Variants in SYNE1 observed in about 807,000 individuals in gnomAD.
The protein encoded by SYNE1 is spectrin repeat containing nuclear envelope protein 1.
A neutral mutation model predicts 1,111.0 loss-of-function variants in SYNE1; 616 were observed. The ratio of observed to expected loss-of-function variants is 0.55; its 90% CI spans 0.52 to 0.59. SYNE1 has a LOEUF of 0.59. SYNE1 is among the 20% of genes least tolerant of loss of function. The pLI is 0.00. For synonymous variants in SYNE1, 3,855 were observed against 3,825.8 expected (o/e 1.01, Z -0.28); for missense variants, 10,006 against 10,417.0 (o/e 0.96, Z 1.72).
intron 12 of SYNE1, among the ~76,000 whole-genome samples, chr6:152,485,895 T>A (rs951318367): frequency 1.3e-5 from 2 of 152,138 alleles, no homozygotes. Flanking sequence ...TGAATGGAAT[T>A]TTAAAAATAC....
chr6:152,359,589 C>T, intron 64 of SYNE1, 131 bp from the exon 65 acceptor site: 2 of 1,100,982 alleles, frequency 1.8e-6, no homozygotes, highest in Non-Finnish European at 2.7e-6. Flanking sequence ...ACTCCTCCAT[C>T]ATTTTATCTA....
chr6:152,519,354 A>G (rs773117267), intron 6 of SYNE1, among the ~76,000 whole-genome samples: 1 of 152,262 alleles, frequency 6.6e-6, no homozygotes, highest in South Asian at 2.1e-4. Flanking sequence ...AACCTGGAAT[A>G]TCTGTAGTTC....
Position 152,532,251 on chromosome 6 carries a change from T to G in SYNE1, c.130-6076A>C, listed in dbSNP as rs140399504. 1.2e-3 allele frequency among the ~76,000 whole-genome samples: 183 copies of G among 152,274 alleles called. 1 individual carries two copies. Among genetic ancestry groups the G allele is most frequent in the African/African-American group, 4.0e-3 (168 of 41,568 alleles). Reference sequence around the variant, plus strand: ...TAGATTTTCAGTATTAATAATTTAGTATTTAACAAAGAAAATGATAAAATC... The same window carrying G: ...TAGATTTTCAGTATTAATAATTTAGGATTTAACAAAGAAAATGATAAAATC... On this transcript the variant is annotated intron_variant, in intron 4 of 145. Transcript: ENST00000367255.
chr6:152,146,124 T>A (rs1250821051), intron 137 of SYNE1: 1 of 153,630 alleles, frequency 6.5e-6, no homozygotes, highest in Non-Finnish European at 1.4e-5. Context: ...ATAGAAACCC[T>A]ATAGGGTACC....
chr6:152,195,080 C>T (rs1053977104), intron 127 of SYNE1, among the ~76,000 whole-genome samples: 2 of 152,072 alleles, frequency 1.3e-5, no homozygotes, highest in African/African-American at 4.8e-5. Context: ...GCCACCATGC[C>T]TGGCTGATTT....
intron 93 of SYNE1, among the ~76,000 whole-genome samples, chr6:152,300,130 T>C (rs1294961170): frequency 6.6e-6 from 1 of 152,194 alleles, no homozygotes; most frequent in Non-Finnish European, 1.5e-5. Flanking sequence ...CACTCAAATC[T>C]AGTAGGCATT....
chr6:152,132,210 A>G lies in SYNE1; in HGVS notation c.26006T>C (p.Leu8669Ser). 1 of 1,614,094 alleles carries G rather than the reference A, an allele frequency of 6.2e-7. No individual in the cohort carries two copies. The highest frequency in any genetic ancestry group is 1.1e-5 in the South Asian group (1 of 91,082). The stretch of plus-strand genomic sequence containing the variant: ...TTCATCAGCAGAAGACCAGGAAGAC[A>G]AATCCTATGTGGGAGAAAGATTCTT... ...LLDVSSSQQD[L>S]SSWSSADELD... Residue 8669 changes from leucine (L) to serine (S), a missense_variant, in exon 144 of 146, where the codon TTG becomes TCG. By Grantham distance (145) the Leu-to-Ser change is moderately radical. Transcript: ENST00000367255.
At chr6:152,204,365 C>CAAA (rs57252682) in intron 126 of SYNE1, among the ~76,000 whole-genome samples, 1 of 89,768 alleles carries the variant, frequency 1.1e-5, no homozygotes, top group East Asian at 3.5e-4. Flanking sequence ...GACTCTATGT[C>CAAA]AAAAAAAAAA....
rs1455305712 is a variant in SYNE1 at position 152,425,479 on chromosome 6, C to T, written c.5169G>A (p.Leu1723=). The stretch of plus-strand genomic sequence containing the variant: ...CATCATCTTTGGAGGCTACTGAGAA[C>T]AATGATTCCTTCAATTGCAAAAGTT... ...YSKLLQLKES[L]FSVASKDDVK... is the part of the protein sequence containing the mutation. The change falls in exon 39 of 146, where the codon TTG becomes TTA. Residue 1723 remains leucine, a synonymous_variant. Transcript: ENST00000367255. The T allele has an allele frequency of 6.2e-7, 1 of 1,614,168 alleles. No homozygotes were observed. Among genetic ancestry groups the T allele is most frequent in the South Asian group, 1.1e-5 (1 of 91,084 alleles).
In SYNE1 at chr6:152,263,936, G is replaced by T. The variant is rs143260203; in HGVS notation, c.18816-1748C>A. On this transcript the variant is annotated intron_variant, in intron 100 of 145. Coordinates refer to ENST00000367255, the MANE Select transcript of SYNE1 (RefSeq NM_182961.4). ...TGGGGGTTAATAATGACGAAAATGGGCTGGGTGTGGTGGCTCATGCCCAGC... is the reference window on the plus strand; with the variant it reads ...TGGGGGTTAATAATGACGAAAATGGTCTGGGTGTGGTGGCTCATGCCCAGC... Among the ~76,000 whole-genome samples, 39 of 151,948 alleles carry T rather than the reference G, an allele frequency of 2.6e-4. No homozygotes were observed. The East Asian group carries it at 6.2e-3, about 24-fold the overall frequency.
At chr6:152,605,916 A>T (rs1321499079) in intron 3 of SYNE1, among the ~76,000 whole-genome samples, 1 of 152,176 alleles carries the variant, frequency 6.6e-6, no homozygotes, top group Non-Finnish European at 1.5e-5. Flanking sequence ...CAAGTAGTTC[A>T]TACCTTCCCA....
chr6:152,265,269 A>G (rs961481371), intron 100 of SYNE1, among the ~76,000 whole-genome samples: 1 of 152,046 alleles, frequency 6.6e-6, no homozygotes, highest in African/African-American at 2.4e-5. Context: ...AATAGTGCAA[A>G]TATCCAGCAA....
chr6:152,310,058 A>G (rs772101307), intron 89 of SYNE1, 41 bp from the exon 90 acceptor site: 11 of 1,580,816 alleles, frequency 7.0e-6, no homozygotes, highest in Non-Finnish European at 9.5e-6. Flanking sequence ...TAATATTTAA[A>G]TCATTTATTT....
At chr6:152,543,905 C>G (rs559374103) in intron 3 of SYNE1, among the ~76,000 whole-genome samples, 1 of 152,160 alleles carries the variant, frequency 6.6e-6, no homozygotes, top group African/African-American at 2.4e-5. Flanking sequence ...GTGTAATAGT[C>G]TATACCCTCT....
At chr6:152,235,222 C>T (rs1383142656) in intron 110 of SYNE1, among the ~76,000 whole-genome samples, 1 of 152,162 alleles carries the variant, frequency 6.6e-6, no homozygotes, top group Non-Finnish European at 1.5e-5. Context: ...CCCTCTCAGG[C>T]TTTACTGTGA....
Position 152,364,792 on chromosome 6 carries a change from T to C in SYNE1, c.10145+55A>G, listed in dbSNP as rs185389046. ...CACAGGAATGGTCTGTTCAGTAGTA[T>C]TATATTGATCTTTTAGTAATAGCTT... On this transcript the variant is annotated intron_variant, in intron 63 of 145. Coordinates refer to ENST00000367255, the MANE Select transcript of SYNE1 (RefSeq NM_182961.4). 3.7e-6 allele frequency: 6 copies of C among 1,609,782 alleles called. 1 individual carries two copies. The South Asian group carries it at 6.6e-5, about 18-fold the overall frequency.
chr6:152,243,585 C>T (rs914993090), intron 106 of SYNE1, among the ~76,000 whole-genome samples: 3 of 151,984 alleles, frequency 2.0e-5, no homozygotes, highest in Non-Finnish European at 4.4e-5. Flanking sequence ...TAAGTGCTGT[C>T]GGAAAACTGT....
At chr6:152,474,619 G>A (rs1187724903) in intron 14 of SYNE1, 3 of 152,232 alleles carry the variant, frequency 2.0e-5, no homozygotes, top group Admixed American at 6.5e-5. Flanking sequence ...AGAACCAGCA[G>A]AAACAACAAA....
chr6:152,245,769 G>T (rs2086956309), intron 105 of SYNE1, among the ~76,000 whole-genome samples: 2 of 152,160 alleles, frequency 1.3e-5, no homozygotes, highest in African/African-American at 4.8e-5. Context: ...TAAGTAAGGA[G>T]GGTTAGTGAA....
Sources: allele counts gnomAD v4.1 joint callset (sites outside exome capture counted in the v4.1 genomes callset), GRCh38; gene constraint gnomAD v4.1.1; transcripts MANE v1.5; gene names NCBI Gene and HGNC (gene_info 2026-07-23, HGNC 2026-07-21).